The following TMEM182 variants were observed in gnomAD, a reference collection of about 807,000 sequenced individuals.
The protein encoded by TMEM182 is transmembrane protein 182.
Under a neutral mutation model 26.8 loss-of-function variants are expected in TMEM182, and 20 were observed. The observed-to-expected ratio is 0.75, with a 90% CI of 0.53 to 1.09. The LOEUF (loss-of-function observed/expected upper bound fraction) is 1.09. Among genes scored for constraint, TMEM182 ranks in the 50% least tolerant of loss-of-function variants. The pLI is 0.00. For missense variants in TMEM182, 277 were observed against 275.5 expected, an observed-to-expected ratio of 1.01 and a Z score of -0.04; for synonymous variants, 109 against 102.2, an observed-to-expected ratio of 1.07 and a Z score of -0.40.
upstream of TMEM182, among the ~76,000 whole-genome samples, chr2:102,758,626 C>T (rs367632382): frequency 6.6e-6 from 1 of 152,096 alleles, no homozygotes; most frequent in African/African-American, 2.4e-5. Context: ...AGCACTGTTT[C>T]TTTTGGGGGT....
At chr2:102,746,677 C>T (rs1203575357) in intron 1 of TMEM182, among the ~76,000 whole-genome samples, 1 of 152,140 alleles carries the variant, frequency 6.6e-6, no homozygotes, top group African/African-American at 2.4e-5. Context: ...CACTGAACCC[C>T]TCCCGGGTTC....
At chr2:102,809,167 G>A (rs893294624) in intron 4 of TMEM182, among the ~76,000 whole-genome samples, 5 of 152,262 alleles carry the variant, frequency 3.3e-5, no homozygotes, top group African/African-American at 1.2e-4. Flanking sequence ...CTTTAGGTAT[G>A]GGCTGATTTA....
chr2:102,764,420 T>C lies in TMEM182; in HGVS notation c.324T>C (p.Ser108=). The change falls in exon 3 of 5, where the codon TCT becomes TCC. Residue 108 remains serine (S), a synonymous_variant. Coordinates refer to ENST00000412401, the MANE Select transcript of TMEM182 (RefSeq NM_144632.5). ...RGEHNSTSYD[S]AVIYRGFWAV... is the part of the protein sequence containing the mutation. ...AGCACAACTCGACCTCCTATGACTCTGCAGTTAGTAAGTACCCTCTGTCCT... is the reference window on the plus strand; with the variant it reads ...AGCACAACTCGACCTCCTATGACTCCGCAGTTAGTAAGTACCCTCTGTCCT... The C allele has an allele frequency of 6.2e-7, 1 of 1,613,702 alleles. No homozygotes were observed. Among genetic ancestry groups the C allele is most frequent in the East Asian group, 2.2e-5 (1 of 44,872 alleles).
intron 3 of TMEM182, among the ~76,000 whole-genome samples, chr2:102,777,068 TA>T (rs35360347): frequency 0.31 from 46,435 of 151,042 alleles, 7,307 homozygotes; most frequent in South Asian, 0.42. Flanking sequence ...TACATGTTTT[TA>T]AAAAAAAAAT....
intron 4 of TMEM182, among the ~76,000 whole-genome samples, chr2:102,805,943 A>T (rs754769747): frequency 5.9e-5 from 9 of 152,270 alleles, no homozygotes; most frequent in Admixed American, 6.5e-5. Flanking sequence ...TCTGGTCTGG[A>T]ATTAGGTTTT....
intron 3 of TMEM182, among the ~76,000 whole-genome samples, chr2:102,825,621 C>G (rs1210025813): frequency 6.6e-6 from 1 of 152,146 alleles, no homozygotes; most frequent in Non-Finnish European, 1.5e-5. Context: ...AGTGACTATC[C>G]ACCCAACATT....
chr2:102,765,337 A>G (rs980340294), intron 3 of TMEM182, among the ~76,000 whole-genome samples: 1 of 152,142 alleles, frequency 6.6e-6, no homozygotes, highest in African/African-American at 2.4e-5. Context: ...TTTCTTCTGC[A>G]ATCTGGAAGC....
chr2:102,801,623 C>A (rs1474440413), intron 4 of TMEM182, among the ~76,000 whole-genome samples: 1 of 152,162 alleles, frequency 6.6e-6, no homozygotes, highest in Non-Finnish European at 1.5e-5. Flanking sequence ...TCATGACCTT[C>A]ATTGTGCCGC....
chr2:102,821,774 G>A (rs1382005121), downstream of TMEM182, among the ~76,000 whole-genome samples: 1 of 152,042 alleles, frequency 6.6e-6, no homozygotes, highest in Non-Finnish European at 1.5e-5. Flanking sequence ...AGATCACGTG[G>A]TCAGGAGATC....
At chr2:102,768,581 A>C (rs542846265) in intron 3 of TMEM182, among the ~76,000 whole-genome samples, 1 of 151,728 alleles carries the variant, frequency 6.6e-6, no homozygotes, top group East Asian at 1.9e-4. Context: ...CACATCTGCA[A>C]TCCCAACTAC....
At chr2:102,830,165 T>C (rs1683123842) in intron 3 of TMEM182, among the ~76,000 whole-genome samples, 1 of 152,234 alleles carries the variant, frequency 6.6e-6, no homozygotes, top group Non-Finnish European at 1.5e-5. Context: ...TCTTACTGCT[T>C]TTGCTGTTTT....
chr2:102,803,794 G>A (rs1204910000), intron 4 of TMEM182, among the ~76,000 whole-genome samples: 1 of 152,194 alleles, frequency 6.6e-6, no homozygotes, highest in Non-Finnish European at 1.5e-5. Flanking sequence ...GGCAAGTCAA[G>A]AGCAGGACGG....
intron 1 of TMEM182, among the ~76,000 whole-genome samples, chr2:102,747,655 A>C (rs994253905): frequency 1.1e-4 from 17 of 152,106 alleles, no homozygotes; most frequent in African/African-American, 2.9e-4. Context: ...AAAATAAAAA[A>C]AACAACAACA....
chr2:102,748,504 T>C (rs1679781632), intron 1 of TMEM182, among the ~76,000 whole-genome samples: 2 of 152,228 alleles, frequency 1.3e-5, no homozygotes, highest in Admixed American at 1.3e-4. Context: ...TGCAATGTGG[T>C]GGGTCCTATG....
chr2:102,798,576 C>T (rs1458608670), intron 4 of TMEM182, among the ~76,000 whole-genome samples: 2 of 152,072 alleles, frequency 1.3e-5, no homozygotes, highest in African/African-American at 4.8e-5. Context: ...TGGTGGCTCA[C>T]ACCTGTAGTC....
intron 3 of TMEM182, among the ~76,000 whole-genome samples, chr2:102,785,853 CA>C (rs1681366962): frequency 6.6e-6 from 1 of 152,108 alleles, no homozygotes; most frequent in African/African-American, 2.4e-5. Flanking sequence ...AATGAAGACT[CA>C]GGGGTCCTAG....
In TMEM182 at chr2:102,815,250, G is replaced by A. The variant is rs1406282802; in HGVS notation, c.*282G>A. ...GAACATGTTAGAGTTCATGCAGGTC[G>A]CAAAGGCCTGATAATAGCTTAATAC... On this transcript the variant is annotated 3_prime_UTR_variant, in exon 5 of 5. Coordinates refer to ENST00000412401, the MANE Select transcript of TMEM182 (RefSeq NM_144632.5). The A allele has an allele frequency of 1.7e-5, 20 of 1,160,300 alleles. No individual in the cohort carries two copies. The East Asian group carries it at 2.7e-4, about 16-fold the overall frequency. The allele number at this position is 1,160,300 out of a possible 1,614,324, so 71.9% of individuals were successfully genotyped here.
intron 3 of TMEM182, among the ~76,000 whole-genome samples, chr2:102,778,484 T>G (rs1206758217): frequency 6.6e-6 from 1 of 152,066 alleles, no homozygotes; most frequent in African/African-American, 2.4e-5. Context: ...AGTTGATGTA[T>G]TTAGACCATT....
intron 3 of TMEM182, among the ~76,000 whole-genome samples, chr2:102,767,172 C>T (rs889488212): frequency 6.6e-6 from 1 of 152,158 alleles, no homozygotes; most frequent in African/African-American, 2.4e-5. Context: ...CTTACATTGG[C>T]TCTTTCTACC....
Sources: allele counts gnomAD v4.1 joint callset (sites outside exome capture counted in the v4.1 genomes callset), GRCh38; gene constraint gnomAD v4.1.1; transcripts MANE v1.5; gene names NCBI Gene and HGNC (gene_info 2026-07-23, HGNC 2026-07-21).